KPNA1: variants seen among roughly 807,000 people sequenced by gnomAD.
KPNA1 encodes importin subunit alpha-5.
Under a neutral mutation model 70.5 loss-of-function variants are expected in KPNA1, and 10 were observed. The observed-to-expected ratio is 0.14, with a 90% CI of 0.09 to 0.24. The LOEUF (loss-of-function observed/expected upper bound fraction) is 0.24, where lower values mean the gene tolerates loss of function less well. KPNA1 is among the 10% of genes least tolerant of loss of function. The probability of loss-of-function intolerance (pLI) is 1.00; values close to 1 mark genes in which losing one functional copy is unlikely to be tolerated. For missense variants in KPNA1, 397 were observed against 637.9 expected (o/e 0.62, Z 4.07); for synonymous variants, 192 against 221.9 (o/e 0.87, Z 1.20).
intron 9 of KPNA1, among the ~76,000 whole-genome samples, chr3:122,447,854 T>C (rs2076157163): frequency 6.6e-6 from 1 of 151,716 alleles, no homozygotes; most frequent in South Asian, 2.1e-4. Context: ...TGTGCAAAAA[T>C]CACAAGCATT....
chr3:122,481,401 G>A (rs959695239), intron 2 of KPNA1, among the ~76,000 whole-genome samples: 1 of 152,172 alleles, frequency 6.6e-6, no homozygotes, highest in East Asian at 1.9e-4. Context: ...ACTCTACTAA[G>A]TTAAAGAAAC....
chr3:122,447,770 A>C (rs1269480214), intron 9 of KPNA1, among the ~76,000 whole-genome samples: 1 of 152,228 alleles, frequency 6.6e-6, no homozygotes, highest in Non-Finnish European at 1.5e-5. Flanking sequence ...ATATTTAGAA[A>C]ACTCCATCGT....
chr3:122,434,188 C>A (rs528156091), intron 11 of KPNA1, among the ~76,000 whole-genome samples: 4 of 152,298 alleles, frequency 2.6e-5, no homozygotes, highest in African/African-American at 9.6e-5. Flanking sequence ...CCACCCACCT[C>A]GGCCTCCCAA....
intron 5 of KPNA1, chr3:122,459,843 A>G: frequency 1.0e-6 from 1 of 985,446 alleles, no homozygotes. Context: ...AAACAAAGAG[A>G]AAGAAGGGAT....
intron 8 of KPNA1, among the ~76,000 whole-genome samples, chr3:122,451,035 T>G (rs2076196571): frequency 6.6e-6 from 1 of 152,110 alleles, no homozygotes; most frequent in Non-Finnish European, 1.5e-5. Flanking sequence ...GACTACACAC[T>G]GGGTACAGCG....
At chr3:122,443,421 C>T (rs1263912563) in intron 9 of KPNA1, among the ~76,000 whole-genome samples, 3 of 152,170 alleles carry the variant, frequency 2.0e-5, no homozygotes, top group East Asian at 3.9e-4. Context: ...CAGATGTAAA[C>T]GTCCCTGTCT....
chr3:122,454,099 GATC>G (rs1433111115), intron 5 of KPNA1, 98 bp from the exon 6 acceptor site: 3 of 816,584 alleles, frequency 3.7e-6, no homozygotes, highest in South Asian at 4.2e-5. Flanking sequence ...AAGATTCTGA[GATC>G]ATTATTTGCA....
chr3:122,512,839 G>A (rs2076970054), intron 1 of KPNA1, among the ~76,000 whole-genome samples: 1 of 152,224 alleles, frequency 6.6e-6, no homozygotes, highest in Non-Finnish European at 1.5e-5. Context: ...CTACAGGACT[G>A]TAAACTCCTC....
Position 122,445,847 on chromosome 3 carries a change from C to CA in KPNA1, c.917+3726dup, listed in dbSNP as rs1214794870. On this transcript the variant is annotated intron_variant, in intron 9 of 13. Coordinates refer to ENST00000344337, the MANE Select transcript of KPNA1 (RefSeq NM_002264.4). ...GAAGATGTACAAAGCACATGGAAAG[C>CA]AAAAAAAAAGCAGGGGTTGCAATCC... Among the ~76,000 whole-genome samples the CA allele has an allele frequency of 2.8e-4, 42 of 148,142 alleles. 1 individual carries two copies. The highest frequency in any genetic ancestry group is 2.0e-3 in the East Asian group (10 of 5,106).
chr3:122,465,656 C>A (rs905812576), intron 3 of KPNA1, among the ~76,000 whole-genome samples: 3 of 152,234 alleles, frequency 2.0e-5, no homozygotes, highest in Non-Finnish European at 4.4e-5. Context: ...AATCCCAACA[C>A]TTTGGGAAGC....
intron 1 of KPNA1, among the ~76,000 whole-genome samples, chr3:122,504,598 A>G (rs1279426361): frequency 6.6e-6 from 1 of 152,122 alleles, no homozygotes; most frequent in African/African-American, 2.4e-5. Context: ...CTTTCCATTC[A>G]ATTTTGCTAT....
At chr3:122,451,397 CCT>C in intron 8 of KPNA1, 135 bp downstream of exon 8, 1 of 550,212 alleles carries the variant, frequency 1.8e-6, no homozygotes, top group African/African-American at 1.9e-5. Flanking sequence ...CAACAACAAC[CCT>C]GTTTCTCCAA....
intron 2 of KPNA1, among the ~76,000 whole-genome samples, chr3:122,475,321 A>T (rs1258875837): frequency 6.6e-6 from 1 of 152,244 alleles, no homozygotes; most frequent in East Asian, 1.9e-4. Flanking sequence ...AGACCTGTAC[A>T]TTAAAAACTA....
At chr3:122,485,462 A>G (rs1204106386) in intron 2 of KPNA1, among the ~76,000 whole-genome samples, 3 of 152,190 alleles carry the variant, frequency 2.0e-5, no homozygotes, top group Non-Finnish European at 4.4e-5. Context: ...TGCCAAAAAA[A>G]AAAAAAAGAA....
At chr3:122,427,276 C>G (rs1040953235) in intron 13 of KPNA1, 104 bp from the exon 14 acceptor site, 5 of 871,742 alleles carry the variant, frequency 5.7e-6, no homozygotes, top group Admixed American at 2.8e-5. Flanking sequence ...TATCTCTGTT[C>G]TTGATGTAAA....
At chr3:122,495,726 C>CAAAAAAAAAAAAAAAA (rs397876048) in intron 2 of KPNA1, among the ~76,000 whole-genome samples, 2 of 67,948 alleles carry the variant, frequency 2.9e-5, no homozygotes, top group Non-Finnish European at 5.2e-5. Flanking sequence ...CTCTCCTTAG[C>CAAAAAAAAAAAAAAAA]AAAAAAAAAA....
At chr3:122,460,618 C>T (rs2076313721) in intron 5 of KPNA1, 1 of 461,520 alleles carries the variant, frequency 2.2e-6, no homozygotes, top group Non-Finnish European at 2.8e-6. Context: ...GCATGGGCGA[C>T]AGAGCAAGAC....
Position 122,480,095 on chromosome 3 carries a change from T to C in KPNA1, c.130-12666A>G, listed in dbSNP as rs148071811. Among the ~76,000 whole-genome samples the C allele has an allele frequency of 4.2e-3, 638 of 152,262 alleles. 4 individuals carry two copies. The highest frequency in any genetic ancestry group is 0.015 in the African/African-American group (606 of 41,538). Reference sequence around the variant, plus strand: ...CATACACATTGTATGATTCCAACTATATGACATTCTGGAAAAGGCAAAACT... The same window carrying C: ...CATACACATTGTATGATTCCAACTACATGACATTCTGGAAAAGGCAAAACT... On this transcript the variant is annotated intron_variant, in intron 2 of 13. Coordinates refer to ENST00000344337, the MANE Select transcript of KPNA1 (RefSeq NM_002264.4).
intron 2 of KPNA1, among the ~76,000 whole-genome samples, chr3:122,475,435 T>C (rs1036164582): frequency 6.6e-5 from 10 of 152,182 alleles, no homozygotes; most frequent in African/African-American, 2.4e-4. Context: ...ACCAAAGCTA[T>C]CTACAGATTC....
Sources: gnomAD v4.1 joint callset for allele counts (sites outside exome capture counted in the v4.1 genomes callset) on GRCh38, gnomAD v4.1.1 for gene constraint, MANE v1.5 for transcripts, NCBI Gene and HGNC (gene_info 2026-07-23, HGNC 2026-07-21) for gene names.